Variants in NRXN3 observed in about 807,000 individuals in gnomAD.
NRXN3 encodes neurexin 3.
In NRXN3, 32 loss-of-function variants were observed where a neutral mutation model predicts 137.6. The ratio of observed to expected loss-of-function variants is 0.23; its 90% CI spans 0.18 to 0.31. The LOEUF is 0.31. NRXN3 is among the 10% of genes least tolerant of loss of function. NRXN3 has a pLI of 1.00. For synonymous variants in NRXN3, 798 were observed against 784.5 expected (o/e 1.02, Z -0.29); for missense variants, 1,574 against 2,062.5 (o/e 0.76, Z 4.59).
rs144245630 is a variant in NRXN3, at chr14:79,321,626, T to C, written c.3263-145595T>C. Among the ~76,000 whole-genome samples, 38 of 151,954 alleles carry C rather than the reference T, an allele frequency of 2.5e-4. No homozygotes were observed. In the East Asian group the frequency reaches 7.1e-3, roughly 29 times the overall value. Reference sequence around the variant, plus strand: ...ACCTGGAATATCTTGGAAGTTATTATATGTAAATTATACATACACATATAT... The same window carrying C: ...ACCTGGAATATCTTGGAAGTTATTACATGTAAATTATACATACACATATAT... On this transcript the variant is annotated intron_variant, in intron 15 of 20. Coordinates refer to ENST00000335750, the MANE Select transcript of NRXN3 (RefSeq NM_001330195.2).
chr14:79,631,631 C>T (rs221484), intron 16 of NRXN3, among the ~76,000 whole-genome samples: 59,187 of 152,092 alleles, frequency 0.39, 15,947 homozygotes, highest in African/African-American at 0.77. Flanking sequence ...GTGAGTGCCA[C>T]TGAGAGGTGA....
intron 1 of NRXN3, among the ~76,000 whole-genome samples, chr14:78,173,897 A>C (rs755824879): frequency 9.3e-5 from 14 of 150,696 alleles, no homozygotes; most frequent in Non-Finnish European, 1.5e-4. Flanking sequence ...CATTCCCCTT[A>C]ACCTCTTTCC....
At chr14:79,701,373 A>G (rs1346990450) in intron 19 of NRXN3, among the ~76,000 whole-genome samples, 2 of 152,066 alleles carry the variant, frequency 1.3e-5, no homozygotes, top group African/African-American at 4.8e-5. Flanking sequence ...TCAGCAAGGC[A>G]ATTCTTCTGT....
intron 16 of NRXN3, among the ~76,000 whole-genome samples, chr14:79,484,383 C>T (rs1212342340): frequency 6.6e-6 from 1 of 152,134 alleles, no homozygotes; most frequent in African/African-American, 2.4e-5. Flanking sequence ...AGAAAACGTG[C>T]CCAGCTGGTA....
At chr14:79,467,816 T>C (rs1343257274) in intron 16 of NRXN3, among the ~76,000 whole-genome samples, 1 of 152,180 alleles carries the variant, frequency 6.6e-6, no homozygotes, top group Admixed American at 6.5e-5. Context: ...ATAGTAAATA[T>C]TTTGGACTTT....
chr14:78,847,256 C>A (rs1305886619), intron 10 of NRXN3, among the ~76,000 whole-genome samples: 1 of 152,014 alleles, frequency 6.6e-6, no homozygotes, highest in African/African-American at 2.4e-5. Flanking sequence ...GCCTTTAGTC[C>A]TCCTAATTCT....
intron 19 of NRXN3, among the ~76,000 whole-genome samples, chr14:79,722,798 G>T (rs1438379008): frequency 6.6e-6 from 1 of 152,078 alleles, no homozygotes; most frequent in Non-Finnish European, 1.5e-5. Flanking sequence ...CATTTAGTAG[G>T]CATTCAACAT....
chr14:79,173,158 G>A (rs2061951635), intron 15 of NRXN3, among the ~76,000 whole-genome samples: 1 of 152,102 alleles, frequency 6.6e-6, no homozygotes, highest in South Asian at 2.1e-4. Flanking sequence ...CTAGTGATTG[G>A]TTGAAACATT....
intron 10 of NRXN3, among the ~76,000 whole-genome samples, chr14:78,908,211 A>G (rs73323332): frequency 0.089 from 13,519 of 152,098 alleles, 1,480 homozygotes; most frequent in East Asian, 0.4. Flanking sequence ...AATATTTATG[A>G]TTAAATTCAA....
chr14:78,380,329 G>C (rs112390355), intron 4 of NRXN3, among the ~76,000 whole-genome samples: 1 of 111,852 alleles, frequency 8.9e-6, no homozygotes, highest in African/African-American at 3.7e-5. Context: ...AAAAAAAAAA[G>C]ATGTGTTTAC....
intron 16 of NRXN3, among the ~76,000 whole-genome samples, chr14:79,596,031 A>T (rs1243566099): frequency 6.6e-6 from 1 of 151,450 alleles, no homozygotes; most frequent in Non-Finnish European, 1.5e-5. Context: ...ATATAAGAGG[A>T]CAAATCTTGG....
At chr14:79,606,801 T>C (rs1468342875) in intron 16 of NRXN3, among the ~76,000 whole-genome samples, 2 of 152,200 alleles carry the variant, frequency 1.3e-5, no homozygotes, top group East Asian at 1.9e-4. Flanking sequence ...AGCTAATACA[T>C]GGGTACCACT....
intron 19 of NRXN3, 104 bp from the exon 20 acceptor site, chr14:79,805,008 T>C (rs2099198369): frequency 3.9e-6 from 3 of 764,984 alleles, no homozygotes; most frequent in Admixed American, 2.1e-5. Context: ...TGATGGGAGA[T>C]GGGACACAGT....
intron 4 of NRXN3, among the ~76,000 whole-genome samples, chr14:78,487,910 C>T (rs1308154540): frequency 6.6e-6 from 1 of 151,746 alleles, no homozygotes; most frequent in Non-Finnish European, 1.5e-5. Flanking sequence ...TTCATAAATG[C>T]CCTATTTTTC....
chr14:78,825,504 CA>C (rs1341713758), intron 10 of NRXN3, among the ~76,000 whole-genome samples: 1 of 152,202 alleles, frequency 6.6e-6, no homozygotes, highest in Admixed American at 6.5e-5. Context: ...AATTTCTGAA[CA>C]GAAGCATAGC....
intron 3 of NRXN3, among the ~76,000 whole-genome samples, chr14:78,282,815 C>A (rs1241633993): frequency 6.6e-6 from 1 of 152,202 alleles, no homozygotes; most frequent in East Asian, 1.9e-4. Flanking sequence ...CAGCCTGAAC[C>A]CAAAGCTTGG....
chr14:78,309,573 T>A (rs2077739153), intron 4 of NRXN3, among the ~76,000 whole-genome samples: 1 of 152,106 alleles, frequency 6.6e-6, no homozygotes, highest in Admixed American at 6.6e-5. Context: ...AAAAGTAAGT[T>A]CTGAAAACAT....
At chr14:79,252,248 A>C (rs2076038437) in intron 15 of NRXN3, among the ~76,000 whole-genome samples, 1 of 152,214 alleles carries the variant, frequency 6.6e-6, no homozygotes, top group Non-Finnish European at 1.5e-5. Context: ...CATAATAACC[A>C]GAAATCGAGT....
intron 4 of NRXN3, among the ~76,000 whole-genome samples, chr14:78,509,718 G>T (rs2096066420): frequency 6.6e-6 from 1 of 152,044 alleles, no homozygotes; most frequent in Admixed American, 6.6e-5. Flanking sequence ...GGGGACATGG[G>T]TCTCTATTAG....
Sources: allele counts gnomAD v4.1 joint callset (sites outside exome capture counted in the v4.1 genomes callset), GRCh38; gene constraint gnomAD v4.1.1; transcripts MANE v1.5; gene names NCBI Gene and HGNC (gene_info 2026-07-23, HGNC 2026-07-21).